Variants in GRM5 observed in about 807,000 individuals in gnomAD.
GRM5 encodes the protein metabotropic glutamate receptor 5.
Under a neutral mutation model 83.1 loss-of-function variants are expected in GRM5, and 19 were observed. The observed-to-expected ratio is 0.23, with a 90% CI of 0.16 to 0.34. GRM5 has a LOEUF of 0.34. GRM5 is among the 10% of genes least tolerant of loss of function. The pLI is 1.00. For synonymous variants in GRM5, 675 were observed against 633.6 expected (o/e 1.07, Z -0.98); for missense variants, 1,160 against 1,588.3 (o/e 0.73, Z 4.58).
chr11:89,017,043 A>C (rs1940876722), intron 2 of GRM5, among the ~76,000 whole-genome samples: 1 of 152,204 alleles, frequency 6.6e-6, no homozygotes, highest in African/African-American at 2.4e-5. Context: ...ATTTATGACT[A>C]CACAGAGGTA....
chr11:88,614,742 G>A (rs959449777), intron 4 of GRM5, among the ~76,000 whole-genome samples: 1 of 152,140 alleles, frequency 6.6e-6, no homozygotes, highest in Non-Finnish European at 1.5e-5. Flanking sequence ...GACCTGCACA[G>A]CAGAAACTAT....
chr11:88,798,810 A>AG (rs1943331672), intron 3 of GRM5, among the ~76,000 whole-genome samples: 2 of 136,952 alleles, frequency 1.5e-5, no homozygotes, highest in Non-Finnish European at 3.1e-5. Flanking sequence ...AACACCAAAA[A>AG]AAAAAAAAAA....
intron 3 of GRM5, among the ~76,000 whole-genome samples, chr11:88,727,039 A>G (rs11021086): frequency 0.58 from 88,633 of 152,126 alleles, 27,894 homozygotes; most frequent in South Asian, 0.8. Context: ...ACACATAACA[A>G]TATTAGCCTT....
intron 9 of GRM5, among the ~76,000 whole-genome samples, chr11:88,523,404 C>T (rs1034770781): frequency 6.6e-6 from 1 of 152,138 alleles, no homozygotes; most frequent in African/African-American, 2.4e-5. Context: ...TTAACCTTGT[C>T]CAGCTTACTC....
At chr11:88,857,872 T>C (rs1310674404) in intron 2 of GRM5, among the ~76,000 whole-genome samples, 2 of 152,086 alleles carry the variant, frequency 1.3e-5, no homozygotes, top group African/African-American at 4.8e-5. Context: ...AAAATTCCTA[T>C]ATAATTGAGA....
At chr11:88,727,738 C>T (rs190399438) in intron 3 of GRM5, among the ~76,000 whole-genome samples, 173 of 152,260 alleles carry the variant, frequency 1.1e-3, no homozygotes, top group African/African-American at 4.0e-3. Flanking sequence ...CACTCAAAAC[C>T]ACACAACTAC....
chr11:88,745,955 T>A (rs1190079499), intron 3 of GRM5, among the ~76,000 whole-genome samples: 3 of 152,156 alleles, frequency 2.0e-5, no homozygotes. Context: ...GGTTCCCTCA[T>A]CTTTAAAACG....
At chr11:88,871,765 A>G (rs1254938344) in intron 2 of GRM5, among the ~76,000 whole-genome samples, 1 of 151,506 alleles carries the variant, frequency 6.6e-6, no homozygotes, top group African/African-American at 2.4e-5. Flanking sequence ...GTGTACTGAA[A>G]AGGAATTTAT....
At chr11:88,962,747 T>C (rs1044847240) in intron 2 of GRM5, among the ~76,000 whole-genome samples, 3 of 152,006 alleles carry the variant, frequency 2.0e-5, no homozygotes, top group African/African-American at 7.2e-5. Flanking sequence ...AAAAAAATAA[T>C]GTGAGGCAAA....
At chr11:88,844,403 C>T (rs1485559496) in intron 3 of GRM5, among the ~76,000 whole-genome samples, 3 of 149,550 alleles carry the variant, frequency 2.0e-5, no homozygotes, top group Non-Finnish European at 4.4e-5. Context: ...TATATATATA[C>T]AAAAATCCTT....
At chr11:88,835,744 T>G (rs1000117057) in intron 3 of GRM5, among the ~76,000 whole-genome samples, 3 of 152,226 alleles carry the variant, frequency 2.0e-5, no homozygotes, top group African/African-American at 7.2e-5. Context: ...ATAACTGTAT[T>G]AAAAAGACTA....
At chr11:89,028,545 A>T (rs1941185492) in intron 2 of GRM5, among the ~76,000 whole-genome samples, 1 of 152,226 alleles carries the variant, frequency 6.6e-6, no homozygotes. Context: ...GCTGTGAGCC[A>T]TGATCATGCA....
intron 3 of GRM5, among the ~76,000 whole-genome samples, chr11:88,673,741 C>G (rs1940249995): frequency 6.6e-6 from 1 of 151,622 alleles, no homozygotes; most frequent in Non-Finnish European, 1.5e-5. Flanking sequence ...AGTCATATCT[C>G]AGACAGAAAG....
At chr11:88,512,206 G>T (rs1487630222) in intron 9 of GRM5, 2 of 154,260 alleles carry the variant, frequency 1.3e-5, no homozygotes, top group Non-Finnish European at 2.9e-5. Flanking sequence ...AACCAATTCT[G>T]TACAAAGTAT....
chr11:88,861,891 T>C (rs1188358473), intron 2 of GRM5, among the ~76,000 whole-genome samples: 1 of 152,164 alleles, frequency 6.6e-6, no homozygotes, highest in Non-Finnish European at 1.5e-5. Flanking sequence ...TCTTACTCCA[T>C]AAAAGACTGT....
chr11:88,904,994 T>A (rs1205338404), intron 2 of GRM5, among the ~76,000 whole-genome samples: 1 of 152,200 alleles, frequency 6.6e-6, no homozygotes, highest in African/African-American at 2.4e-5. Flanking sequence ...TTATTTCTTA[T>A]TGATATATGA....
chr11:89,004,065 A>G (rs1459544350), intron 2 of GRM5, among the ~76,000 whole-genome samples: 5 of 152,210 alleles, frequency 3.3e-5, no homozygotes, highest in Admixed American at 1.3e-4. Context: ...GATCCTTTTG[A>G]GATCAAAGAA....
intron 8 of GRM5, among the ~76,000 whole-genome samples, chr11:88,558,398 A>G (rs1302192211): frequency 2.0e-5 from 3 of 152,028 alleles, no homozygotes; most frequent in Non-Finnish European, 2.9e-5. Flanking sequence ...GTTCCTCATT[A>G]ATTGTTATTA....
intron 3 of GRM5, among the ~76,000 whole-genome samples, chr11:88,743,235 T>C (rs1942064248): frequency 6.6e-6 from 1 of 152,108 alleles, no homozygotes; most frequent in African/African-American, 2.4e-5. Context: ...CAAGTAAATG[T>C]GTAAAGCTCT....
Sources: allele counts gnomAD v4.1 joint callset (sites outside exome capture counted in the v4.1 genomes callset), GRCh38; gene constraint gnomAD v4.1.1; transcripts MANE v1.5; gene names NCBI Gene and HGNC (gene_info 2026-07-23, HGNC 2026-07-21).